The following FAM133B variants were observed in gnomAD, a reference collection of about 807,000 sequenced individuals.
FAM133B encodes family with sequence similarity 133 member B.
In FAM133B, 25 loss-of-function variants were observed where a neutral mutation model predicts 46.4. The observed-to-expected ratio is 0.54, with a 90% CI of 0.39 to 0.75. The LOEUF (loss-of-function observed/expected upper bound fraction) is 0.75. Ranked by LOEUF, FAM133B falls within the 30% of genes least tolerant of loss-of-function variation. The probability of loss-of-function intolerance (pLI) is 0.00; values close to 1 mark genes in which losing one functional copy is unlikely to be tolerated. For synonymous variants in FAM133B, 75 were observed against 86.0 expected (o/e 0.87, Z 0.71); for missense variants, 205 against 277.6 (o/e 0.74, Z 1.86).
intron 9 of FAM133B, among the ~76,000 whole-genome samples, chr7:92,568,633 G>A (rs577575248): frequency 6.6e-6 from 1 of 151,608 alleles, no homozygotes; most frequent in African/African-American, 2.4e-5. Flanking sequence ...CTCCCAAAGT[G>A]CTGGGATTAT....
chr7:92,577,751 G>A (rs1301759901), intron 5 of FAM133B, 34 bp from the exon 6 acceptor site: 2 of 1,516,084 alleles, frequency 1.3e-6, no homozygotes, highest in Non-Finnish European at 1.8e-6. Context: ...AAGCTTGTGA[G>A]ATGCGAGAAT....
At chr7:92,584,835 T>C (rs1482598736) in intron 1 of FAM133B, among the ~76,000 whole-genome samples, 5 of 152,142 alleles carry the variant, frequency 3.3e-5, no homozygotes, top group Non-Finnish European at 5.9e-5. Flanking sequence ...TCAACACAGT[T>C]AAGTTGGGCT....
At chr7:92,573,279 C>G (rs903199476) in intron 8 of FAM133B, among the ~76,000 whole-genome samples, 17 of 151,242 alleles carry the variant, frequency 1.1e-4, no homozygotes, top group African/African-American at 3.9e-4. Context: ...GTGATCCTCC[C>G]ACTTCAGTCT....
intron 9 of FAM133B, among the ~76,000 whole-genome samples, chr7:92,567,989 C>T (rs1356878863): frequency 2.0e-5 from 3 of 152,140 alleles, no homozygotes; most frequent in African/African-American, 7.2e-5. Context: ...GTCTTTAACT[C>T]CCGACCTCAG....
intron 10 of FAM133B, among the ~76,000 whole-genome samples, chr7:92,564,610 C>A (rs573770358): frequency 6.6e-6 from 1 of 152,250 alleles, no homozygotes; most frequent in South Asian, 2.1e-4. Context: ...ACTAGGGGAG[C>A]CTTCCTATCA....
intron 8 of FAM133B, among the ~76,000 whole-genome samples, chr7:92,574,319 A>G (rs1585304951): frequency 6.6e-6 from 1 of 152,248 alleles, no homozygotes; most frequent in Non-Finnish European, 1.5e-5. Context: ...GAAAGACACA[A>G]AAGGTCGCAT....
rs184661564 is a variant in FAM133B at position 92,569,320 on chromosome 7, C to A, written c.609+503G>T. ...ACTCTGTCTCAGGTATGATGCAATG[C>A]CTTTCGTAATTTATCATCTCATTTA... is the stretch of plus-strand genomic sequence containing the variant. On this transcript the variant is annotated intron_variant, in intron 9 of 10. Transcript: ENST00000445716. 6.6e-5 allele frequency among the ~76,000 whole-genome samples: 10 copies of A among 152,244 alleles called. 1 individual carries two copies. In the East Asian group the frequency reaches 1.7e-3, roughly 26 times the overall value.
At chr7:92,584,119 G>C (rs1328617375) in intron 1 of FAM133B, among the ~76,000 whole-genome samples, 2 of 150,558 alleles carry the variant, frequency 1.3e-5, no homozygotes, top group East Asian at 3.9e-4. Flanking sequence ...AGTGGTCAGT[G>C]GTGTGATCAT....
At chr7:92,583,748 T>C (rs1794956004) in intron 1 of FAM133B, among the ~76,000 whole-genome samples, 1 of 151,984 alleles carries the variant, frequency 6.6e-6, no homozygotes, top group East Asian at 1.9e-4. Flanking sequence ...ACTATTATTA[T>C]TTTTTAAAAG....
intron 10 of FAM133B, among the ~76,000 whole-genome samples, chr7:92,563,561 G>C (rs1794223542): frequency 6.6e-6 from 1 of 151,998 alleles, no homozygotes; most frequent in Non-Finnish European, 1.5e-5. Context: ...TACTCTCCCA[G>C]TCACATGCTT....
intron 1 of FAM133B, among the ~76,000 whole-genome samples, chr7:92,585,945 G>A (rs1305493392): frequency 2.0e-5 from 3 of 152,012 alleles, no homozygotes; most frequent in African/African-American, 7.2e-5. Flanking sequence ...ATAATGCAGT[G>A]GCAATTTTTC....
intron 1 of FAM133B, among the ~76,000 whole-genome samples, chr7:92,585,719 T>C (rs1414508501): frequency 6.6e-6 from 1 of 152,098 alleles, no homozygotes; most frequent in African/African-American, 2.4e-5. Context: ...ATCAGAAAAA[T>C]TAGACTGCAT....
At chr7:92,568,861 G>A (rs1259202674) in intron 9 of FAM133B, among the ~76,000 whole-genome samples, 1 of 152,108 alleles carries the variant, frequency 6.6e-6, no homozygotes, top group Non-Finnish European at 1.5e-5. Context: ...CTCAGCATTA[G>A]CTTTCATTTC....
At chr7:92,590,167 G>A (rs562420681) in intron 1 of FAM133B, 101 bp downstream of exon 1, 27 of 1,583,220 alleles carry the variant, frequency 1.7e-5, no homozygotes, top group South Asian at 3.3e-5. Flanking sequence ...ACGTCTGAGG[G>A]CTGCCGCTTG....
intron 9 of FAM133B, among the ~76,000 whole-genome samples, chr7:92,568,807 G>A (rs766481218): frequency 6.6e-6 from 1 of 152,130 alleles, no homozygotes; most frequent in Non-Finnish European, 1.5e-5. Context: ...TGGGATCAGA[G>A]TGCACTGCAG....
At chr7:92,577,489 A>G in intron 6 of FAM133B, 166 bp downstream of exon 6, 1 of 492,566 alleles carries the variant, frequency 2.0e-6, no homozygotes, top group Non-Finnish European at 3.5e-6. Flanking sequence ...ATATACCAAT[A>G]TTTAAGTTCC....
intron 1 of FAM133B, among the ~76,000 whole-genome samples, chr7:92,584,003 T>A (rs1008217365): frequency 7.6e-5 from 11 of 144,342 alleles, no homozygotes; most frequent in African/African-American, 2.9e-4. Flanking sequence ...TGAGCTGAGA[T>A]TGTGCCACTT....
intron 2 of FAM133B, among the ~76,000 whole-genome samples, chr7:92,580,244 A>T (rs1365680648): frequency 2.0e-5 from 2 of 98,830 alleles, no homozygotes; most frequent in East Asian, 2.1e-4. Context: ...CAGCTAATTA[A>T]AAAAAAAAAA....
At chr7:92,580,667 T>C (rs1296664371) in intron 2 of FAM133B, among the ~76,000 whole-genome samples, 1 of 152,214 alleles carries the variant, frequency 6.6e-6, no homozygotes, top group East Asian at 1.9e-4. Flanking sequence ...AATCTTACCA[T>C]GAGTACGACT....
Sources: allele counts gnomAD v4.1 joint callset (sites outside exome capture counted in the v4.1 genomes callset), GRCh38; gene constraint gnomAD v4.1.1; transcripts MANE v1.5; gene names NCBI Gene and HGNC (gene_info 2026-07-23, HGNC 2026-07-21).